CYP27B1: variants seen among roughly 807,000 people sequenced by gnomAD.
CYP27B1 encodes cytochrome P450 family 27 subfamily B member 1, also known as 25-hydroxyvitamin D-1 alpha hydroxylase, mitochondrial.
Under a neutral mutation model 54.8 loss-of-function variants are expected in CYP27B1, and 46 were observed. The observed-to-expected ratio is 0.84, with a 90% confidence interval of 0.66 to 1.07. The LOEUF (loss-of-function observed/expected upper bound fraction) is 1.07. Ranked by LOEUF, CYP27B1 falls within the 50% of genes least tolerant of loss-of-function variation. The pLI, the probability that CYP27B1 is intolerant of heterozygous loss-of-function variation, is 0.00. For missense variants in CYP27B1, 674 were observed against 692.2 expected (o/e 0.97, Z 0.30); for synonymous variants, 292 against 297.3 (o/e 0.98, Z 0.18).
chr12:57,765,079 C>A lies in CYP27B1; in HGVS notation c.722G>T (p.Trp241Leu), dbSNP rs748833715. ...STLLTMAMPHWLRHLVPGPWG... is the reference protein window; with the variant it reads ...STLLTMAMPHLLRHLVPGPWG... ...GGGCCCAGGCACAAGGTGGCGCAGCCAGTGGGGCATCGCCATGGTCAACAG... is the reference window on the plus strand; with the variant it reads ...GGGCCCAGGCACAAGGTGGCGCAGCAAGTGGGGCATCGCCATGGTCAACAG... Residue 241 changes from tryptophan to leucine, a missense_variant, in exon 4 of 9, where the codon TGG (tryptophan) becomes TTG (leucine). Physicochemically the swap from Trp to Leu is moderately conservative, Grantham distance 61. Coordinates refer to ENST00000228606, the MANE Select transcript of CYP27B1 (RefSeq NM_000785.4). The surrounding 1 kb of genome is among the most constrained non-coding windows in gnomAD (Gnocchi z 5.8). The A allele has an allele frequency of 6.2e-7, 1 of 1,613,854 alleles. No homozygotes were observed.
chr12:57,766,318 GC>G, intron 1 of CYP27B1, 121 bp from the exon 2 acceptor site: 1 of 1,322,894 alleles, frequency 7.6e-7, no homozygotes, highest in Non-Finnish European at 9.9e-7. Flanking sequence ...TTTCTCGGGT[GC>G]CCAACTAGTG....
chr12:57,766,321 C>A (rs1955360402), intron 1 of CYP27B1, 124 bp from the exon 2 acceptor site: 1 of 1,308,050 alleles, frequency 7.6e-7, no homozygotes, highest in African/African-American at 1.5e-5. Flanking sequence ...CTCGGGTGCC[C>A]AACTAGTGTA....
chr12:57,764,254 C>T (rs1178792732), intron 6 of CYP27B1, 78 bp from the exon 7 acceptor site: 2 of 1,568,732 alleles, frequency 1.3e-6, no homozygotes, highest in Non-Finnish European at 1.8e-6. Flanking sequence ...TTCCAACTTC[C>T]AAACCCTTTT....
At position 57,767,062 on chromosome 12, in the gene CYP27B1, C is replaced by G. The variant is rs560778422; in HGVS notation, c.-21G>C. ...GTCATGGTCTGGTTCAGGGTGCTCGCGAAAGAAAGCGCTTCTCCTGAGCAT... is the reference window on the plus strand; with the variant it reads ...GTCATGGTCTGGTTCAGGGTGCTCGGGAAAGAAAGCGCTTCTCCTGAGCAT... On this transcript the variant is annotated 5_prime_UTR_variant, in exon 1 of 9. Transcript: ENST00000228606. 6.2e-7 allele frequency: 1 copy of G among 1,611,162 alleles called. No individual in the cohort carries two copies. The highest frequency in any genetic ancestry group is 2.2e-5 in the East Asian group (1 of 44,874).
At chr12:57,764,598 CAGAG>C in intron 5 of CYP27B1, 48 bp from the exon 6 acceptor site, 1 of 1,607,422 alleles carries the variant, frequency 6.2e-7, no homozygotes. Flanking sequence ...GAGAACCCAG[CAGAG>C]GGTGCAGATT....
In CYP27B1 at chr12:57,765,422, G is replaced by A; in HGVS notation, c.464C>T (p.Ala155Val). 6.2e-7 allele frequency: 1 copy of A among 1,612,852 alleles called. No individual in the cohort carries two copies. The change falls in exon 3 of 9, where the codon GCC becomes GTC. Residue 155 changes from alanine (A) to valine (V), a missense_variant. Transcript: ENST00000228606. The surrounding 1 kb of genome is among the most constrained non-coding windows in gnomAD (Gnocchi z 5.8). The stretch of plus-strand genomic sequence containing the variant: ...GCAGACTACGTTGTTCAGGGTTCCG[G>A]CGTAGCGGGCGGCCGCTTGAGGCCG... ...LLRPQAAARY[A>V]GTLNNVVCDL...
At chr12:57,766,223 T>C in intron 1 of CYP27B1, 26 bp from the exon 2 acceptor site, 1 of 1,514,340 alleles carries the variant, frequency 6.6e-7, no homozygotes, top group Non-Finnish European at 8.9e-7. Flanking sequence ...CAGCGGACAC[T>C]TGGATACCTG....
At chr12:57,766,790 A>G (rs1382026479) in intron 1 of CYP27B1, 57 bp downstream of exon 1, 1 of 1,576,584 alleles carries the variant, frequency 6.3e-7, no homozygotes, top group East Asian at 2.2e-5. Context: ...GTCCTTTCTG[A>G]CGCTGTCAAA....
rs775708027 is a variant in CYP27B1 at position 57,764,524 on chromosome 12, C to T, written c.990G>A (p.Leu330=). 1.2e-5 allele frequency: 19 copies of T among 1,614,128 alleles called. No individual in the cohort carries two copies. In the African/African-American group the frequency reaches 2.5e-4, roughly 22 times the overall value. ...DTVSNTLSWA[L]YELSRHPEVQ... ...CTTCGGGGTGCCGGGAGAGCTCATACAGAGCCCAAGAGAGCGTGTTGGACA... is the reference window on the plus strand; with the variant it reads ...CTTCGGGGTGCCGGGAGAGCTCATATAGAGCCCAAGAGAGCGTGTTGGACA... Residue 330 remains leucine, a synonymous_variant, in exon 6 of 9, where the codon CTG becomes CTA. Transcript: ENST00000228606.
In CYP27B1 at chr12:57,765,592, AG is replaced by A. The variant is rs776711809; in HGVS notation, c.387-94del. On this transcript the variant is annotated intron_variant, in intron 2 of 8. Transcript: ENST00000228606. The surrounding 1 kb of genome is among the most constrained non-coding windows in gnomAD (Gnocchi z 5.8). Reference sequence around the variant, plus strand: ...AGGAGCGCGTTCGGCTGCGGTGGCCAGGAGAGGGATTGCGTCTGCCCCCTTG... The same window carrying A: ...AGGAGCGCGTTCGGCTGCGGTGGCCAGAGAGGGATTGCGTCTGCCCCCTTG... 2 of 1,336,608 alleles carry A rather than the reference AG, an allele frequency of 1.5e-6. No homozygotes were observed. The highest frequency in any genetic ancestry group is 4.9e-5 in the East Asian group (2 of 40,562). The allele number at this position is 1,336,608 out of a possible 1,614,324, so 82.8% of individuals were successfully genotyped here.
chr12:57,765,486 A>G lies in CYP27B1; in HGVS notation c.400T>C (p.Trp134Arg), dbSNP rs777022503. The change falls in exon 3 of 9, where the codon TGG becomes CGG. Residue 134 changes from tryptophan to arginine, a missense_variant. Transcript: ENST00000228606. This position sits in a 1 kb window ranked among gnomAD's most constrained non-coding sequence, Gnocchi z 5.8. ...CGLLTAEGEEWQRLRSLLAPL... is the reference protein window; with the variant it reads ...CGLLTAEGEERQRLRSLLAPL... Reference sequence around the variant, plus strand: ...GCCAGGAGACTGCGGAGCCTTTGCCATTCTTCGCCTTCCCTGCAGGGTTGA... The same window carrying G: ...GCCAGGAGACTGCGGAGCCTTTGCCGTTCTTCGCCTTCCCTGCAGGGTTGA... The G allele has an allele frequency of 6.2e-7, 1 of 1,611,328 alleles. No individual in the cohort carries two copies. The highest frequency in any genetic ancestry group is 1.1e-5 in the South Asian group (1 of 90,346).
In CYP27B1 at chr12:57,766,855, C is replaced by G; in HGVS notation, c.187G>C (p.Glu63Gln). The G allele has an allele frequency of 6.2e-7, 1 of 1,614,228 alleles. No individual in the cohort carries two copies. ...AAGGCGTCCCTTCCTACCTGCAGCT[C>G]GTGTAGCCTCGACAGCCCCCCCTTG... ...FCKGGLSRLH[E>Q]LQVQGAAHFG... The change falls in exon 1 of 9, where the codon GAG becomes CAG. Residue 63 changes from glutamate (E) to glutamine (Q), a missense_variant. By Grantham distance (29) the Glu-to-Gln change is conservative. Transcript: ENST00000228606.
Position 57,765,046 on chromosome 12 carries a change from C to T in CYP27B1, c.755G>A (p.Arg252His), listed in dbSNP as rs1955347358. 1 of 1,613,770 alleles carries T rather than the reference C, an allele frequency of 6.2e-7. No homozygotes were observed. Among genetic ancestry groups the T allele is most frequent in the Non-Finnish European group, 8.5e-7 (1 of 1,180,036 alleles). ...CATCTGGTCCCAGTCTCGGCAGAGG[C>T]GGCCCCAGGGCCCAGGCACAAGGTG... is the stretch of plus-strand genomic sequence containing the variant. ...LRHLVPGPWG[R>H]LCRDWDQMFA... The change falls in exon 4 of 9, where the codon CGC (arginine) becomes CAC (histidine). Residue 252 changes from arginine to histidine, a missense_variant. By Grantham distance (29) the Arg-to-His change is conservative. Transcript: ENST00000228606. The surrounding 1 kb of genome is among the most constrained non-coding windows in gnomAD (Gnocchi z 5.8).
Position 57,765,230 on chromosome 12 carries a change from C to A in CYP27B1, c.590-19G>T. The A allele has an allele frequency of 6.2e-7, 1 of 1,611,516 alleles. No homozygotes were observed. The highest frequency in any genetic ancestry group is 8.5e-7 in the Non-Finnish European group (1 of 1,179,100). On this transcript the variant is annotated intron_variant, in intron 3 of 8. Transcript: ENST00000228606. The surrounding 1 kb of genome is among the most constrained non-coding windows in gnomAD (Gnocchi z 5.8). ...GCGATGCCTTGTCGGGAGGGGGCGCCGTCAGGGTTCCGGGAGGCTCTGGTA... is the reference window on the plus strand; with the variant it reads ...GCGATGCCTTGTCGGGAGGGGGCGCAGTCAGGGTTCCGGGAGGCTCTGGTA...
chr12:57,763,769 G>C lies in CYP27B1; in HGVS notation c.1255C>G (p.Pro419Ala). ...TLCHYATSRD[P>A]AQFPEPNSFR... ...GAATTTGGCTCTGGGAACTGGGCAG[G>C]GTCCCTTGAAGTGGCATAGTGACAC... is the stretch of plus-strand genomic sequence containing the variant. Residue 419 changes from proline (P) to alanine (A), a missense_variant, in exon 8 of 9, where the codon CCT becomes GCT. Coordinates refer to ENST00000228606, the MANE Select transcript of CYP27B1 (RefSeq NM_000785.4). 6.2e-7 allele frequency: 1 copy of C among 1,614,202 alleles called. No homozygotes were observed.
rs549824639 is a variant in CYP27B1, at chr12:57,765,207, G to C, written c.594C>G (p.Ile198Met). 15 of 1,612,472 alleles carry C rather than the reference G, an allele frequency of 9.3e-6. No individual in the cohort carries two copies. The South Asian group carries it at 1.3e-4, about 14-fold the overall frequency. ...GEFYKFGLEG[I>M]AAVLLGSRLG... ...AGCGCGAGCCGAGCAGAACCGCGGC[G>C]ATGCCTTGTCGGGAGGGGGCGCCGT... Residue 198 changes from isoleucine (I) to methionine (M), a missense_variant, in exon 4 of 9, where the codon ATC (isoleucine) becomes ATG (methionine). Ile to Met is a conservative substitution (Grantham distance 10, BLOSUM62 1). Transcript: ENST00000228606. The surrounding 1 kb of genome is among the most constrained non-coding windows in gnomAD (Gnocchi z 5.8).
Position 57,765,791 on chromosome 12 carries a change from G to T in CYP27B1, c.386+216C>A. 1 of 966,804 alleles carries T rather than the reference G, an allele frequency of 1.0e-6. No individual in the cohort carries two copies. The highest frequency in any genetic ancestry group is 1.5e-6 in the Non-Finnish European group (1 of 667,610). 59.9% of individuals were successfully genotyped at this position (966,804 alleles called of 1,614,324 possible). ...TTCCTCCGGTTCCCCCAGTTCCCAG[G>T]ATTCGGGCCTCAAAGGATAAGGAGG... On this transcript the variant is annotated intron_variant, in intron 2 of 8. Transcript: ENST00000228606. The surrounding 1 kb of genome is among the most constrained non-coding windows in gnomAD (Gnocchi z 5.8).
At position 57,764,931 on chromosome 12, in the gene CYP27B1, G is replaced by A. The variant is rs767516163; in HGVS notation, c.791-5C>T. The A allele has an allele frequency of 3.6e-5, 58 of 1,614,106 alleles. No homozygotes were observed. Among genetic ancestry groups the A allele is most frequent in the Middle Eastern group, 1.6e-4 (1 of 6,062 alleles). ...GCCGCTCCACGTGCCTCTGAGCTGC[G>A]TGGGTAGAAGGCACGTGAATACCTC... On this transcript the variant is annotated splice_polypyrimidine_tract_variant and splice_region_variant and intron_variant, in intron 4 of 8. Transcript: ENST00000228606.
At chr12:57,766,511 T>C (rs1175116100) in intron 1 of CYP27B1, 2 of 565,960 alleles carry the variant, frequency 3.5e-6, no homozygotes, top group South Asian at 2.2e-5. Flanking sequence ...GAGTCCTCAG[T>C]GAATGAAAAG....
Sources: gnomAD v4.1 joint callset for allele counts on GRCh38, gnomAD v4.1.1 for gene constraint, Gnocchi (gnomAD v3.1) non-coding constraint, MANE v1.5 for transcripts, NCBI Gene and HGNC (gene_info 2026-07-23, HGNC 2026-07-21) for gene names.